Variants in RBFOX3 observed in about 807,000 individuals in gnomAD.
RBFOX3 encodes RNA binding fox-1 homolog 3, also known as RNA binding protein fox-1 homolog 3.
RBFOX3 carries 17 observed loss-of-function variants against 48.7 expected under a neutral mutation model. That is an observed-to-expected ratio of 0.35 (90% CI 0.24 to 0.52). The LOEUF (loss-of-function observed/expected upper bound fraction) is 0.52, where lower values mean the gene tolerates loss of function less well. Among genes scored for constraint, RBFOX3 ranks in the 20% least tolerant of loss-of-function variants. The pLI, the probability that RBFOX3 is intolerant of heterozygous loss-of-function variation, is 0.94. For missense variants in RBFOX3, 382 were observed against 497.5 expected, an observed-to-expected ratio of 0.77 and a Z score of 2.21; for synonymous variants, 212 against 209.5, an observed-to-expected ratio of 1.01 and a Z score of -0.10.
chr17:79,340,557 C>T (rs1281823330), intron 2 of RBFOX3, among the ~76,000 whole-genome samples: 1 of 152,160 alleles, frequency 6.6e-6, no homozygotes. Context: ...ACTGCACATC[C>T]TGGTGTGTCT....
At chr17:79,475,409 A>G (rs1002847036) in intron 2 of RBFOX3, among the ~76,000 whole-genome samples, 129 of 152,226 alleles carry the variant, frequency 8.5e-4, no homozygotes, top group African/African-American at 2.9e-3. Context: ...GTCAGGGGAC[A>G]CCTCAGGATG....
At chr17:79,309,193 C>T (rs2145632739) in intron 2 of RBFOX3, among the ~76,000 whole-genome samples, 1 of 152,142 alleles carries the variant, frequency 6.6e-6, no homozygotes, top group East Asian at 1.9e-4. Context: ...TAAGACAGAG[C>T]CTCACGTGGC....
At chr17:79,555,929 A>G (rs2091720417) in intron 1 of RBFOX3, among the ~76,000 whole-genome samples, 1 of 151,904 alleles carries the variant, frequency 6.6e-6, no homozygotes, top group African/African-American at 2.4e-5. Flanking sequence ...AATGACAACA[A>G]TTACATTATC....
Position 79,139,818 on chromosome 17 carries a change from C to T in RBFOX3, c.-33-24070G>A, listed in dbSNP as rs539404189. Among the ~76,000 whole-genome samples, 131 of 152,320 alleles carry T rather than the reference C, an allele frequency of 8.6e-4. 2 individuals carry two copies. In the South Asian group the frequency reaches 0.015, roughly 18 times the overall value. On this transcript the variant is annotated intron_variant, in intron 4 of 14. Coordinates refer to ENST00000693108, the MANE Select transcript of RBFOX3 (RefSeq NM_001350451.2). ...ATGAGCATCTCTGCACTGACGATGCCGGAGGGGCAGAACCACCGTGTGTGC... is the reference window on the plus strand; with the variant it reads ...ATGAGCATCTCTGCACTGACGATGCTGGAGGGGCAGAACCACCGTGTGTGC...
chr17:79,575,419 T>C (rs1242110532), intron 1 of RBFOX3, among the ~76,000 whole-genome samples: 1 of 151,554 alleles, frequency 6.6e-6, no homozygotes, highest in South Asian at 2.1e-4. Flanking sequence ...AGAGCTACGA[T>C]GGAAGTGGGT....
rs764835513 is a variant in RBFOX3, at chr17:79,391,560, A to G, written c.-174-83736T>C. Among the ~76,000 whole-genome samples, 13 of 152,210 alleles carry G rather than the reference A, an allele frequency of 8.5e-5. No homozygotes were observed. The highest frequency in any genetic ancestry group is 1.6e-4 in the Non-Finnish European group (11 of 68,044). On this transcript the variant is annotated intron_variant, in intron 2 of 14. Coordinates refer to ENST00000693108, the MANE Select transcript of RBFOX3 (RefSeq NM_001350451.2). The surrounding 1 kb of genome is among the most constrained non-coding windows in gnomAD (Gnocchi z 5.0). ...TTTAATCTCACCCGAAACCAACCTC[A>G]CAGGTGCTGATTCACTTTTAGGAAT...
At chr17:79,502,835 C>CA (rs1164909234) in intron 1 of RBFOX3, among the ~76,000 whole-genome samples, 7 of 152,326 alleles carry the variant, frequency 4.6e-5, no homozygotes, top group African/African-American at 1.7e-4. Flanking sequence ...CACGGGGTTC[C>CA]AGCAGGCTTG....
intron 2 of RBFOX3, among the ~76,000 whole-genome samples, chr17:79,397,002 AT>A (rs1333614648): frequency 6.6e-6 from 1 of 152,244 alleles, no homozygotes; most frequent in African/African-American, 2.4e-5. Context: ...CAGAGCCTGA[AT>A]CTTGGAAATG....
At chr17:79,544,031 T>C (rs1369769501) in intron 1 of RBFOX3, among the ~76,000 whole-genome samples, 1 of 152,152 alleles carries the variant, frequency 6.6e-6, no homozygotes, top group African/African-American at 2.4e-5. Context: ...CCTCAGCCCG[T>C]CCCTGGGCAT....
rs1025574706 is a variant in RBFOX3, at chr17:79,214,220, C to T, written c.-34+21546G>A. Among the ~76,000 whole-genome samples, 3 of 152,184 alleles carry T rather than the reference C, an allele frequency of 2.0e-5. No homozygotes were observed. Among genetic ancestry groups the T allele is most frequent in the African/African-American group, 7.2e-5 (3 of 41,438 alleles). ...AGGACCCTGATAAAGTCGGCCTCTC[C>T]AGCAACGCACGGAGCTATCTCACTT... On this transcript the variant is annotated intron_variant, in intron 4 of 14. Transcript: ENST00000693108. This position sits in a 1 kb window ranked among gnomAD's most constrained non-coding sequence, Gnocchi z 4.7.
chr17:79,304,425 ATT>A (rs1288954647), intron 3 of RBFOX3, among the ~76,000 whole-genome samples: 1 of 149,664 alleles, frequency 6.7e-6, no homozygotes, highest in African/African-American at 2.4e-5. Flanking sequence ...GTACATATAT[ATT>A]TTGATATATA....
chr17:79,654,834 G>A, the RBFOX3 span, among the ~76,000 whole-genome samples: 21 of 152,178 alleles, frequency 1.4e-4, no homozygotes, highest in Admixed American at 9.2e-4. Context: ...GGGTCTCATC[G>A]CTTTATGGGC....
Position 79,205,779 on chromosome 17 carries a change from T to C in RBFOX3, c.-34+29987A>G, listed in dbSNP as rs79480969. On this transcript the variant is annotated intron_variant, in intron 4 of 14. Transcript: ENST00000693108. This position sits in a 1 kb window ranked among gnomAD's most constrained non-coding sequence, Gnocchi z 4.5. Reference sequence around the variant, plus strand: ...AGAGCCTCTATTACTTGGTATATGGTGATTGATATGGAAAATGTATTTTCC... The same window carrying C: ...AGAGCCTCTATTACTTGGTATATGGCGATTGATATGGAAAATGTATTTTCC... Among the ~76,000 whole-genome samples, 3,638 of 151,806 alleles carry C rather than the reference T, an allele frequency of 0.024. 124 individuals are homozygous for C. The highest frequency in any genetic ancestry group is 0.074 in the African/African-American group (3,054 of 41,416).
At position 79,535,564 on chromosome 17, in the gene RBFOX3, C is replaced by A. The variant is rs78714228; in HGVS notation, c.-319-52966G>T. 0.011 allele frequency among the ~76,000 whole-genome samples: 1,729 copies of A among 152,308 alleles called. 28 individuals are homozygous for A. The highest frequency in any genetic ancestry group is 0.04 in the African/African-American group (1,657 of 41,544). On this transcript the variant is annotated intron_variant, in intron 1 of 14. Transcript: ENST00000693108. The surrounding 1 kb of genome is among the most constrained non-coding windows in gnomAD (Gnocchi z 4.5). ...CAGGCTGGAAGGGGCCCGGCTACCC[C>A]TCAAAGTTTCCTGGGCTTGCAGGTC...
the RBFOX3 span, among the ~76,000 whole-genome samples, chr17:79,663,150 C>A: frequency 6.6e-6 from 1 of 152,108 alleles, no homozygotes; most frequent in African/African-American, 2.4e-5. Context: ...GCTGTCAACA[C>A]CGCAAAGGAG....
chr17:79,181,826 C>T (rs1261853169), intron 4 of RBFOX3, among the ~76,000 whole-genome samples: 1 of 152,136 alleles, frequency 6.6e-6, no homozygotes, highest in Non-Finnish European at 1.5e-5. Flanking sequence ...CTCGGAAGGT[C>T]CCATCTTTGC....
intron 4 of RBFOX3, among the ~76,000 whole-genome samples, chr17:79,187,436 C>T (rs1292903279): frequency 2.6e-5 from 4 of 152,158 alleles, no homozygotes; most frequent in East Asian, 1.9e-4. Flanking sequence ...TGTGCTTGGC[C>T]GCGCCAAGCC....
At chr17:79,648,033 G>A in the RBFOX3 span, among the ~76,000 whole-genome samples, 2 of 152,108 alleles carry the variant, frequency 1.3e-5, no homozygotes, top group African/African-American at 4.8e-5. Context: ...GAGCCTCCTG[G>A]GGGTCCAGCA....
chr17:79,324,179 T>A (rs2078969085), intron 2 of RBFOX3, among the ~76,000 whole-genome samples: 1 of 152,108 alleles, frequency 6.6e-6, no homozygotes, highest in African/African-American at 2.4e-5. Context: ...GGCTGAGGGA[T>A]GAGAAGGGAG....
Sources: allele counts gnomAD v4.1 joint callset (sites outside exome capture counted in the v4.1 genomes callset), GRCh38; gene constraint gnomAD v4.1.1; non-coding constraint Gnocchi (gnomAD v3.1); transcripts MANE v1.5; gene names NCBI Gene and HGNC (gene_info 2026-07-23, HGNC 2026-07-21).